THSD4: variants seen among roughly 807,000 people sequenced by gnomAD.
THSD4 encodes the protein thrombospondin type-1 domain-containing protein 4.
Under a neutral mutation model 119.0 loss-of-function variants are expected in THSD4, and 69 were observed. The observed-to-expected ratio is 0.58, with a 90% CI of 0.48 to 0.71. THSD4 has a LOEUF of 0.71. THSD4 is among the 30% of genes least tolerant of loss of function. The pLI is 0.00. For missense variants in THSD4, 1,393 were observed against 1,391.1 expected (o/e 1.00, Z -0.02); for synonymous variants, 524 against 540.4 (o/e 0.97, Z 0.42).
At chr15:71,629,328 A>G (rs2140941301) in intron 7 of THSD4, among the ~76,000 whole-genome samples, 1 of 152,272 alleles carries the variant, frequency 6.6e-6, no homozygotes, top group South Asian at 2.1e-4. Flanking sequence ...GGCCTCATCT[A>G]GGGGGCAGGG....
intron 5 of THSD4, among the ~76,000 whole-genome samples, chr15:71,252,279 A>G (rs1009785817): frequency 8.5e-5 from 13 of 152,256 alleles, no homozygotes; most frequent in African/African-American, 3.1e-4. Context: ...CCATGACATC[A>G]GGAAACAACC....
At chr15:71,515,397 TGGA>T (rs1051818317) in intron 7 of THSD4, among the ~76,000 whole-genome samples, 41 of 152,244 alleles carry the variant, frequency 2.7e-4, no homozygotes, top group African/African-American at 9.9e-4. Context: ...GTAGAAAAAT[TGGA>T]GGAGCCAGAA....
At chr15:71,737,372 T>C (rs1418073480) in intron 10 of THSD4, among the ~76,000 whole-genome samples, 1 of 152,244 alleles carries the variant, frequency 6.6e-6, no homozygotes, top group Non-Finnish European at 1.5e-5. Flanking sequence ...TTTCCAAACT[T>C]TCCAATCTTT....
At chr15:71,732,551 T>G (rs2053000880) in intron 10 of THSD4, 1 of 152,220 alleles carries the variant, frequency 6.6e-6, no homozygotes, top group Admixed American at 6.5e-5. Flanking sequence ...TCACACACAT[T>G]GAGTCCTTGC....
chr15:71,641,087 C>T (rs1480435545), intron 7 of THSD4, among the ~76,000 whole-genome samples: 4 of 152,066 alleles, frequency 2.6e-5, no homozygotes, highest in East Asian at 1.9e-4. Flanking sequence ...CCCAAAACAG[C>T]CCTTCCATCT....
At chr15:71,667,321 T>C (rs149120186) in intron 8 of THSD4, among the ~76,000 whole-genome samples, 10 of 152,242 alleles carry the variant, frequency 6.6e-5, no homozygotes, top group African/African-American at 1.9e-4. Flanking sequence ...ATAAAAGATA[T>C]TGTAAAATTA....
intron 6 of THSD4, among the ~76,000 whole-genome samples, chr15:71,319,114 A>G (rs2045231015): frequency 6.6e-6 from 1 of 152,112 alleles, no homozygotes; most frequent in Non-Finnish European, 1.5e-5. Flanking sequence ...AAGTGATCAC[A>G]TTTGATGACA....
intron 7 of THSD4, among the ~76,000 whole-genome samples, chr15:71,470,460 A>G (rs2047559593): frequency 1.3e-5 from 2 of 152,240 alleles, no homozygotes; most frequent in Non-Finnish European, 2.9e-5. Flanking sequence ...CAGCATTGCT[A>G]TGGCAGAGTA....
chr15:71,684,049 T>A (rs551796053), intron 8 of THSD4, among the ~76,000 whole-genome samples: 4 of 152,306 alleles, frequency 2.6e-5, no homozygotes, highest in African/African-American at 9.6e-5. Context: ...CATCTGCCAG[T>A]GAAGTTTTGT....
intron 14 of THSD4, among the ~76,000 whole-genome samples, chr15:71,749,441 A>G (rs1320900957): frequency 6.6e-6 from 1 of 152,210 alleles, no homozygotes; most frequent in Admixed American, 6.5e-5. Flanking sequence ...AGAGGCACCA[A>G]GTCCAGATTC....
chr15:71,608,649 A>G (rs934083712), intron 7 of THSD4, among the ~76,000 whole-genome samples: 12 of 152,326 alleles, frequency 7.9e-5, no homozygotes, highest in African/African-American at 2.6e-4. Context: ...TGACTGGGTC[A>G]GAGGCCATGA....
At chr15:71,556,502 C>T (rs1434097156) in intron 7 of THSD4, among the ~76,000 whole-genome samples, 1 of 151,962 alleles carries the variant, frequency 6.6e-6, no homozygotes, top group African/African-American at 2.4e-5. Context: ...ATGCTGGTAG[C>T]ACTTTGGGAT....
chr15:71,603,210 T>G (rs1164819626), intron 7 of THSD4, among the ~76,000 whole-genome samples: 3 of 152,142 alleles, frequency 2.0e-5, no homozygotes, highest in Non-Finnish European at 4.4e-5. Context: ...CCACCAGGAA[T>G]GATTAGGAAC....
At chr15:71,462,196 C>T (rs1014236442) in intron 7 of THSD4, among the ~76,000 whole-genome samples, 1 of 152,288 alleles carries the variant, frequency 6.6e-6, no homozygotes, top group East Asian at 1.9e-4. Flanking sequence ...GGGTCTCACT[C>T]TGTCACCCCG....
At chr15:71,474,695 C>G (rs1331948833) in intron 7 of THSD4, among the ~76,000 whole-genome samples, 1 of 152,154 alleles carries the variant, frequency 6.6e-6, no homozygotes, top group African/African-American at 2.4e-5. Flanking sequence ...AATCTTTCCT[C>G]CTAGATTCCC....
rs182953488 is a variant in THSD4 at position 71,102,315 on chromosome 15, C to T, written c.-80+5309C>T. Reference sequence around the variant, plus strand: ...ATTATTTCTTAAAATATTTTTTTCCCATTCAACATCCTTTTTCTTTTCCTT... The same window carrying T: ...ATTATTTCTTAAAATATTTTTTTCCTATTCAACATCCTTTTTCTTTTCCTT... On this transcript the variant is annotated intron_variant, in intron 1 of 17. Coordinates refer to the THSD4 transcript ENST00000355327. 1.1e-4 allele frequency among the ~76,000 whole-genome samples: 16 copies of T among 152,020 alleles called. No homozygotes were observed. The East Asian group carries it at 3.1e-3, about 29-fold the overall frequency.
intron 8 of THSD4, among the ~76,000 whole-genome samples, chr15:71,663,735 T>C (rs2051358376): frequency 6.6e-6 from 1 of 152,204 alleles, no homozygotes; most frequent in South Asian, 2.1e-4. Flanking sequence ...ATTTTTTACA[T>C]TGTACATTGT....
intron 6 of THSD4, among the ~76,000 whole-genome samples, chr15:71,287,121 G>C (rs1461471193): frequency 6.6e-6 from 1 of 152,168 alleles, no homozygotes; most frequent in Non-Finnish European, 1.5e-5. Flanking sequence ...CAAAGTCGTA[G>C]TCACAAAGAA....
rs2050859552 is a variant in THSD4, at chr15:71,641,613, A to G, written c.1153-18917A>G. ...CCTGGAGGGGTGTGATTCCAAAGACAGAGTTTCTCATTACTGTTTGGCATC... is the reference window on the plus strand; with the variant it reads ...CCTGGAGGGGTGTGATTCCAAAGACGGAGTTTCTCATTACTGTTTGGCATC... On this transcript the variant is annotated intron_variant, in intron 7 of 17. Transcript: ENST00000261862. 2.6e-5 allele frequency among the ~76,000 whole-genome samples: 4 copies of G among 152,308 alleles called. No individual in the cohort carries two copies. The South Asian group carries it at 8.3e-4, about 32-fold the overall frequency.
Sources: allele counts gnomAD v4.1 joint callset (sites outside exome capture counted in the v4.1 genomes callset), GRCh38; gene constraint gnomAD v4.1.1; transcripts MANE v1.5; gene names NCBI Gene and HGNC (gene_info 2026-07-23, HGNC 2026-07-21).